The following BNC2 variants were observed in gnomAD, a reference collection of about 807,000 sequenced individuals.
BNC2 encodes the protein basonuclin zinc finger protein 2.
Under a neutral mutation model 76.3 loss-of-function variants are expected in BNC2, and 20 were observed. The observed-to-expected ratio is 0.26, with a 90% CI of 0.18 to 0.38. The LOEUF is 0.38. BNC2 is among the 10% of genes least tolerant of loss of function. The pLI, the probability that BNC2 is intolerant of heterozygous loss-of-function variation, is 1.00. For synonymous variants in BNC2, 582 were observed against 514.8 expected (o/e 1.13, Z -1.77); for missense variants, 1,382 against 1,399.8 (o/e 0.99, Z 0.20).
intron 1 of BNC2, among the ~76,000 whole-genome samples, chr9:16,771,320 C>T (rs919940053): frequency 9.9e-5 from 15 of 152,178 alleles, no homozygotes; most frequent in Admixed American, 2.0e-4. Flanking sequence ...ATACTTAAAA[C>T]AAGGTTTTTA....
At chr9:16,537,152 GAAGATGTCTATACCATT>G (rs1321496483) in intron 5 of BNC2, among the ~76,000 whole-genome samples, 1 of 152,044 alleles carries the variant, frequency 6.6e-6, no homozygotes, top group Admixed American at 6.5e-5. Context: ...ACCCTGGATA[GAAGATGTCTATACCATT>G]TATACATTTA....
intron 3 of BNC2, among the ~76,000 whole-genome samples, chr9:16,604,525 G>C (rs933925083): frequency 6.6e-6 from 1 of 152,136 alleles, no homozygotes; most frequent in Non-Finnish European, 1.5e-5. Flanking sequence ...GGCTGGGCAC[G>C]GTGGCTCATG....
chr9:16,787,223 G>T (rs1300384503), intron 1 of BNC2, among the ~76,000 whole-genome samples: 1 of 152,146 alleles, frequency 6.6e-6, no homozygotes, highest in African/African-American at 2.4e-5. Flanking sequence ...CCTGGGCAGG[G>T]GGAAACTAGT....
chr9:16,812,244 T>G (rs1818072079), intron 1 of BNC2, among the ~76,000 whole-genome samples: 1 of 152,168 alleles, frequency 6.6e-6, no homozygotes, highest in Admixed American at 6.5e-5. Flanking sequence ...GGCTTGGAGG[T>G]TGGTGGTGCT....
intron 1 of BNC2, among the ~76,000 whole-genome samples, chr9:16,837,786 G>T (rs1450856408): frequency 6.6e-6 from 1 of 152,042 alleles, no homozygotes; most frequent in Non-Finnish European, 1.5e-5. Flanking sequence ...TGGTCTTAGG[G>T]CTCCTAAGCT....
At chr9:16,772,222 C>T (rs1454691362) in intron 1 of BNC2, among the ~76,000 whole-genome samples, 1 of 152,112 alleles carries the variant, frequency 6.6e-6, no homozygotes, top group Non-Finnish European at 1.5e-5. Flanking sequence ...GGAACCCACA[C>T]ACGGGGTATA....
chr9:16,870,668 A>C lies in BNC2; in HGVS notation c.-20T>G. On this transcript the variant is annotated 5_prime_UTR_variant, in exon 1 of 7. Coordinates refer to ENST00000380672, the MANE Select transcript of BNC2 (RefSeq NM_017637.6). The stretch of plus-strand genomic sequence containing the variant: ...TACCATCTCGGCATGCTGGTTGTCA[A>C]GTGCAGCCCCCGCCTCTTGGTCTCC... 2.5e-6 allele frequency: 4 copies of C among 1,609,840 alleles called. No individual in the cohort carries two copies. Among genetic ancestry groups the C allele is most frequent in the Non-Finnish European group, 3.4e-6 (4 of 1,178,132 alleles).
chr9:16,810,445 CTGTT>C (rs767877318), intron 1 of BNC2, among the ~76,000 whole-genome samples: 2 of 152,232 alleles, frequency 1.3e-5, no homozygotes, highest in Non-Finnish European at 1.5e-5. Context: ...TCCCACAGAG[CTGTT>C]TGTTTACCTC....
intron 1 of BNC2, among the ~76,000 whole-genome samples, chr9:16,740,205 G>A (rs995417925): frequency 2.0e-5 from 3 of 152,124 alleles, no homozygotes; most frequent in African/African-American, 7.2e-5. Flanking sequence ...TTATATTTAG[G>A]GTATGGTTAA....
intron 3 of BNC2, among the ~76,000 whole-genome samples, chr9:16,726,089 A>G (rs1272164722): frequency 2.6e-5 from 4 of 152,136 alleles, no homozygotes; most frequent in Admixed American, 2.6e-4. Flanking sequence ...GTTATTTGGT[A>G]CTAAGGTTAG....
chr9:16,559,288 T>G (rs958533380), intron 4 of BNC2, among the ~76,000 whole-genome samples: 1 of 152,180 alleles, frequency 6.6e-6, no homozygotes, highest in Non-Finnish European at 1.5e-5. Context: ...CATTTATTTT[T>G]AGTTTATCAG....
chr9:16,421,118 T>C (rs530453453), intron 6 of BNC2: 1 of 287,196 alleles, frequency 3.5e-6, no homozygotes, highest in Non-Finnish European at 6.3e-6. Flanking sequence ...TTCCTAGAGA[T>C]GGTTGAGAGG....
chr9:16,523,634 A>G (rs569762373), intron 5 of BNC2, among the ~76,000 whole-genome samples: 1 of 152,220 alleles, frequency 6.6e-6, no homozygotes, highest in African/African-American at 2.4e-5. Flanking sequence ...AAAAAGATTA[A>G]AAGAATCTTT....
chr9:16,704,782 G>A (rs899781863), intron 3 of BNC2: 1 of 151,806 alleles, frequency 6.6e-6, no homozygotes, highest in Admixed American at 6.6e-5. Context: ...CCAGCCAGTG[G>A]TGCAAGGTTA....
At chr9:16,644,304 ACAAGGTTGAAT>A (rs1319092583) in intron 3 of BNC2, among the ~76,000 whole-genome samples, 1 of 152,184 alleles carries the variant, frequency 6.6e-6, no homozygotes, top group Non-Finnish European at 1.5e-5. Flanking sequence ...CAGAGAAATG[ACAAGGTTGAAT>A]CAAGTGATCC....
intron 1 of BNC2, among the ~76,000 whole-genome samples, chr9:16,836,592 A>G (rs1400039856): frequency 6.6e-6 from 1 of 151,914 alleles, no homozygotes; most frequent in Admixed American, 6.6e-5. Flanking sequence ...ATTAAGTTTG[A>G]TCCTACTCAA....
In BNC2 at chr9:16,741,251, C is replaced by T. The variant is rs182338025; in HGVS notation, c.4-2766G>A. 8.5e-5 allele frequency among the ~76,000 whole-genome samples: 13 copies of T among 152,134 alleles called. No homozygotes were observed. The East Asian group carries it at 2.1e-3, about 25-fold the overall frequency. ...GGCGGATCACCTGAGGTCAGGAGTT[C>T]GAGACCAGCCTGACCAACATGGAGA... On this transcript the variant is annotated intron_variant, in intron 1 of 6. Transcript: ENST00000380672.
chr9:16,786,244 G>T (rs1329956382), intron 1 of BNC2, among the ~76,000 whole-genome samples: 1 of 152,164 alleles, frequency 6.6e-6, no homozygotes, highest in African/African-American at 2.4e-5. Flanking sequence ...ACTAAACAAG[G>T]AGTCTTTTCA....
chr9:16,775,799 C>T (rs79909612), intron 1 of BNC2: 4,217 of 161,206 alleles, frequency 0.026, 187 homozygotes, highest in African/African-American at 0.096. Context: ...TGAAGCAGGA[C>T]CAAGTATTTT....
Sources: gnomAD v4.1 joint callset for allele counts (sites outside exome capture counted in the v4.1 genomes callset) on GRCh38, gnomAD v4.1.1 for gene constraint, MANE v1.5 for transcripts, NCBI Gene and HGNC (gene_info 2026-07-23, HGNC 2026-07-21) for gene names.